The following MYC variants were observed in gnomAD, a reference collection of about 807,000 sequenced individuals.
MYC encodes MYC proto-oncogene, bHLH transcription factor.
A neutral mutation model predicts 30.5 loss-of-function variants in MYC; 1 was observed. That is an observed-to-expected ratio of 0.03 (90% CI 0.01 to 0.16). The LOEUF (loss-of-function observed/expected upper bound fraction) is 0.16, where lower values mean the gene tolerates loss of function less well. Among genes scored for constraint, MYC ranks in the 10% least tolerant of loss-of-function variants. MYC has a pLI of 1.00. For synonymous variants in MYC, 267 were observed against 250.7 expected (o/e 1.07, Z -0.62); for missense variants, 508 against 589.0 (o/e 0.86, Z 1.42).
At chr8:127,739,600 C>CT (rs10706841) in intron 2 of MYC, among the ~76,000 whole-genome samples, 5 of 149,894 alleles carry the variant, frequency 3.3e-5, no homozygotes, top group Non-Finnish European at 4.5e-5. Flanking sequence ...CAAAGTTGGA[C>CT]TTTTTTTTTT....
At chr8:127,739,964 TTC>T (rs1227996005) in intron 2 of MYC, among the ~76,000 whole-genome samples, 1 of 148,000 alleles carries the variant, frequency 6.8e-6, no homozygotes, top group East Asian at 2.0e-4. Context: ...GCTAGATTGG[TTC>T]TTTTTTTTTT....
At chr8:127,739,356 G>T (rs946145670) in intron 2 of MYC, among the ~76,000 whole-genome samples, 7 of 152,270 alleles carry the variant, frequency 4.6e-5, no homozygotes, top group African/African-American at 1.7e-4. Context: ...GTGGCAGGGA[G>T]TGTATGAATG....
rs759774541 is a variant in MYC, at chr8:127,738,783, C to A, written c.566C>A (p.Ser189Tyr). The change falls in exon 2 of 3, where the codon TCC becomes TAC. Residue 189 changes from serine (S) to tyrosine (Y), a missense_variant. By Grantham distance (144) the Ser-to-Tyr change is moderately radical. Around this residue, in one of 5 missense-constraint regions of MYC, gnomAD observed 364 missense variants for 381.1 expected, o/e 0.96. Transcript: ENST00000621592. The surrounding 1 kb of genome is among the most constrained non-coding windows in gnomAD (Gnocchi z 7.6). ...CGCGGCCACAGCGTCTGCTCCACCTCCAGCTTGTACCTGCAGGATCTGAGC... is the reference window on the plus strand; with the variant it reads ...CGCGGCCACAGCGTCTGCTCCACCTACAGCTTGTACCTGCAGGATCTGAGC... The A allele has an allele frequency of 6.2e-7, 1 of 1,610,062 alleles. No individual in the cohort carries two copies. The highest frequency in any genetic ancestry group is 8.5e-7 in the Non-Finnish European group (1 of 1,177,662).
upstream of MYC, chr8:127,736,196 GC>G (rs1359814604): frequency 6.3e-6 from 3 of 473,402 alleles, no homozygotes; most frequent in African/African-American, 5.9e-5. Context: ...GAGGGATCGC[GC>G]TGAGTATAAA....
rs2130095348 is a variant in MYC at position 127,738,652 on chromosome 8, C to T, written c.435C>T (p.Ile145=). The T allele has an allele frequency of 6.2e-7, 1 of 1,614,016 alleles. No homozygotes were observed. The change falls in exon 2 of 3, where the codon ATC becomes ATT. Residue 145 remains isoleucine (I), a synonymous_variant. Transcript: ENST00000621592. This position sits in a 1 kb window ranked among gnomAD's most constrained non-coding sequence, Gnocchi z 7.6. ...AGACCTTCATCAAAAACATCATCAT[C>T]CAGGACTGTATGTGGAGCGGCTTCT...
At chr8:127,739,905 TCC>T (rs1167297529) in intron 2 of MYC, among the ~76,000 whole-genome samples, 3 of 151,986 alleles carry the variant, frequency 2.0e-5, no homozygotes, top group African/African-American at 7.3e-5. Flanking sequence ...CAGCTGTCTT[TCC>T]CTTTATGAGA....
At position 127,741,188 on chromosome 8, in the gene MYC, T is replaced by C. The variant is rs1301946221; in HGVS notation, c.*230T>C. On this transcript the variant is annotated 3_prime_UTR_variant, in exon 3 of 3. Transcript: ENST00000621592. ...ACAGATTTGTATTTAAGAATTGTTT[T>C]TAAAAAATTTTAAGATTTACACAAT... 5.1e-6 allele frequency: 2 copies of C among 391,528 alleles called. No individual in the cohort carries two copies. The highest frequency in any genetic ancestry group is 9.1e-6 in the Non-Finnish European group (2 of 220,700). The allele number at this position is 391,528 out of a possible 1,614,324, so 24.3% of individuals were successfully genotyped here. A position where few individuals can be genotyped will look rare whatever the true frequency, so the allele number is the denominator to read the frequency against.
chr8:127,737,228 A>G (rs1813608136), intron 1 of MYC, among the ~76,000 whole-genome samples: 1 of 152,278 alleles, frequency 6.6e-6, no homozygotes, highest in Non-Finnish European at 1.5e-5. Flanking sequence ...AAAAGCAATA[A>G]TACAATTTAA....
rs762780579 is a variant in MYC, at chr8:127,740,781, C to T, written c.1188C>T (p.Ile396=). 1 of 1,613,978 alleles carries T rather than the reference C, an allele frequency of 6.2e-7. No individual in the cohort carries two copies. The highest frequency in any genetic ancestry group is 8.5e-7 in the Non-Finnish European group (1 of 1,180,020). ...GCTTTTTTGCCCTGCGTGACCAGAT[C>T]CCGGAGTTGGAAAACAATGAAAAGG... Residue 396 remains isoleucine, a synonymous_variant, in exon 3 of 3, where the codon ATC becomes ATT. Transcript: ENST00000621592.
chr8:127,741,556 G>C lies in MYC; in HGVS notation c.*598G>C, dbSNP rs1935607147. 5.4e-6 allele frequency: 1 copy of C among 184,114 alleles called. No individual in the cohort carries two copies. The highest frequency in any genetic ancestry group is 2.3e-5 in the African/African-American group (1 of 42,890). 11.4% of individuals were successfully genotyped at this position (184,114 alleles called of 1,614,324 possible). A position where few individuals can be genotyped will look rare whatever the true frequency, so the allele number is the denominator to read the frequency against. On this transcript the variant is annotated 3_prime_UTR_variant, in exon 3 of 3. Coordinates refer to ENST00000621592, the MANE Select transcript of MYC (RefSeq NM_002467.6). ...GCAAGAGTTTTCCTCTGTTGAAATG[G>C]GTCTGGGGGCCTTAAGGTCTTTAAG...
chr8:127,735,990 TG>T (rs1813579304), upstream of MYC: 2 of 93,758 alleles, frequency 2.1e-5, no homozygotes, highest in African/African-American at 8.4e-5. Context: ...GCAGAGGGCG[TG>T]GGGGAAAAGA....
Position 127,742,307 on chromosome 8 carries a change from G to A in MYC, c.*1349G>A, listed in dbSNP as rs1428475908. On this transcript the variant is annotated 3_prime_UTR_variant, in exon 3 of 3. Transcript: ENST00000621592. Reference sequence around the variant, plus strand: ...TCCACATGCCCAAGATTCACTGATAGGGAAAAGTGGAAGCGAGATTTGAAC... The same window carrying A: ...TCCACATGCCCAAGATTCACTGATAAGGAAAAGTGGAAGCGAGATTTGAAC... Among the ~76,000 whole-genome samples, 2 of 152,208 alleles carry A rather than the reference G, an allele frequency of 1.3e-5. No homozygotes were observed. The highest frequency in any genetic ancestry group is 2.9e-5 in the Non-Finnish European group (2 of 68,032).
Position 127,741,041 on chromosome 8 carries a change from G to A in MYC, c.*83G>A. The A allele has an allele frequency of 7.8e-7, 1 of 1,288,374 alleles. No individual in the cohort carries two copies. Among genetic ancestry groups the A allele is most frequent in the East Asian group, 2.4e-5 (1 of 42,094 alleles). 79.8% of individuals were successfully genotyped at this position (1,288,374 alleles called of 1,614,324 possible). On this transcript the variant is annotated 3_prime_UTR_variant, in exon 3 of 3. Transcript: ENST00000621592. The stretch of plus-strand genomic sequence containing the variant: ...ACTTGTTTCAAATGCATGATCAAAT[G>A]CAACCTCACAACCTTGGCTGAGTCT...
At position 127,740,682 on chromosome 8, in the gene MYC, G is replaced by T. The variant is rs1305543869; in HGVS notation, c.1089G>T (p.Ser363=). ...GAAAATGCACCAGCCCCAGGTCCTC[G>T]GACACCGAGGAGAATGTCAAGAGGC... The change falls in exon 3 of 3, where the codon TCG becomes TCT. Residue 363 remains serine (S), a synonymous_variant. Coordinates refer to ENST00000621592, the MANE Select transcript of MYC (RefSeq NM_002467.6). 1 of 1,614,020 alleles carries T rather than the reference G, an allele frequency of 6.2e-7. No homozygotes were observed. The highest frequency in any genetic ancestry group is 2.2e-5 in the East Asian group (1 of 44,866).
In MYC at chr8:127,740,659, A is replaced by G. The variant is rs1415460536; in HGVS notation, c.1066A>G (p.Lys356Glu). Residue 356 changes from lysine to glutamate, a missense_variant, in exon 3 of 3, where the codon AAA becomes GAA. By Grantham distance (56) the Lys-to-Glu change is moderately conservative. Coordinates refer to ENST00000621592, the MANE Select transcript of MYC (RefSeq NM_002467.6). The stretch of plus-strand genomic sequence containing the variant: ...CCTGAGACAGATCAGCAACAACCGA[A>G]AATGCACCAGCCCCAGGTCCTCGGA... The G allele has an allele frequency of 6.2e-7, 1 of 1,613,990 alleles. No homozygotes were observed. The highest frequency in any genetic ancestry group is 8.5e-7 in the Non-Finnish European group (1 of 1,180,028).
rs4645959 is a variant in MYC, at chr8:127,738,294, A to C, written c.77A>C (p.Asn26Thr). 1.3e-5 allele frequency: 21 copies of C among 1,610,100 alleles called. No homozygotes were observed. In the African/African-American group the frequency reaches 2.8e-4, roughly 22 times the overall value. ...CTCAACGTTAGCTTCACCAACAGGAACTATGACCTCGACTACGACTCGGTG... is the reference window on the plus strand; with the variant it reads ...CTCAACGTTAGCTTCACCAACAGGACCTATGACCTCGACTACGACTCGGTG... The change falls in exon 2 of 3, where the codon AAC becomes ACC. Residue 26 changes from asparagine to threonine, a missense_variant. Coordinates refer to ENST00000621592, the MANE Select transcript of MYC (RefSeq NM_002467.6). This position sits in a 1 kb window ranked among gnomAD's most constrained non-coding sequence, Gnocchi z 7.6.
At chr8:127,737,141 G>C (rs1813606462) in intron 1 of MYC, among the ~76,000 whole-genome samples, 1 of 152,270 alleles carries the variant, frequency 6.6e-6, no homozygotes, top group African/African-American at 2.4e-5. Context: ...GGACACTGCG[G>C]CGCGTCCCGC....
intron 2 of MYC, among the ~76,000 whole-genome samples, chr8:127,739,519 C>G (rs1328099227): frequency 1.3e-5 from 2 of 152,170 alleles, no homozygotes; most frequent in Non-Finnish European, 2.9e-5. Flanking sequence ...AGTGAACTGC[C>G]TCAAGAGTGG....
chr8:127,738,256 C>G lies in MYC; in HGVS notation c.39C>G (p.Pro13=). Residue 13 remains proline, a synonymous_variant, in exon 2 of 3, where the codon CCC becomes CCG. Transcript: ENST00000621592. This position sits in a 1 kb window ranked among gnomAD's most constrained non-coding sequence, Gnocchi z 7.6. Reference sequence around the variant, plus strand: ...TGTGTGCCCCGCTCCAGCAGCCTCCCGCGACGATGCCCCTCAACGTTAGCT... The same window carrying G: ...TGTGTGCCCCGCTCCAGCAGCCTCCGGCGACGATGCCCCTCAACGTTAGCT... 6.3e-7 allele frequency: 1 copy of G among 1,583,614 alleles called. No individual in the cohort carries two copies. Among genetic ancestry groups the G allele is most frequent in the Non-Finnish European group, 8.6e-7 (1 of 1,159,956 alleles).
Sources: allele counts gnomAD v4.1 joint callset (sites outside exome capture counted in the v4.1 genomes callset), GRCh38; gene constraint gnomAD v4.1.1; regional missense constraint gnomAD v4.1.1; non-coding constraint Gnocchi (gnomAD v3.1); transcripts MANE v1.5; gene names NCBI Gene and HGNC (gene_info 2026-07-23, HGNC 2026-07-21).